The following FRMD4A variants were observed in gnomAD, a reference collection of about 807,000 sequenced individuals.
FRMD4A encodes FERM domain-containing protein 4A.
Under a neutral mutation model 129.1 loss-of-function variants are expected in FRMD4A, and 29 were observed. The ratio of observed to expected loss-of-function variants is 0.22; its 90% confidence interval spans 0.17 to 0.31. The LOEUF (loss-of-function observed/expected upper bound fraction) is 0.31. Ranked by LOEUF, FRMD4A falls within the 10% of genes least tolerant of loss-of-function variation. FRMD4A has a pLI of 1.00. For synonymous variants in FRMD4A, 634 were observed against 571.6 expected, an observed-to-expected ratio of 1.11 and a Z score of -1.56; for missense variants, 1,272 against 1,375.8, an observed-to-expected ratio of 0.92 and a Z score of 1.19.
At chr10:14,061,768 G>C (rs557496441) in intron 2 of FRMD4A, among the ~76,000 whole-genome samples, 7 of 152,232 alleles carry the variant, frequency 4.6e-5, no homozygotes, top group African/African-American at 1.7e-4. Flanking sequence ...ATTGTCACGT[G>C]GTACCTGGAA....
chr10:13,969,020 T>C (rs1030883783), intron 2 of FRMD4A, among the ~76,000 whole-genome samples: 1 of 152,204 alleles, frequency 6.6e-6, no homozygotes, highest in African/African-American at 2.4e-5. Context: ...ACGGCCCTGG[T>C]TGGCAGTAGA....
At chr10:13,890,756 C>A (rs1482709851) in intron 2 of FRMD4A, 12 of 985,238 alleles carry the variant, frequency 1.2e-5, no homozygotes, top group Non-Finnish European at 1.4e-5. Flanking sequence ...CCTTTGCGGG[C>A]ATTGGTTCTC....
At chr10:14,297,316 C>T (rs1350872440) in intron 2 of FRMD4A, among the ~76,000 whole-genome samples, 1 of 152,136 alleles carries the variant, frequency 6.6e-6, no homozygotes, top group Non-Finnish European at 1.5e-5. Flanking sequence ...ACATGCTTTG[C>T]TAAACTTCCA....
At chr10:14,254,942 C>T (rs1317802444) in intron 2 of FRMD4A, among the ~76,000 whole-genome samples, 1 of 152,098 alleles carries the variant, frequency 6.6e-6, no homozygotes, top group Non-Finnish European at 1.5e-5. Context: ...CAATCCCAGT[C>T]CCTAAAGTCT....
At chr10:13,847,819 G>T (rs1398875676) in intron 3 of FRMD4A, among the ~76,000 whole-genome samples, 1 of 152,126 alleles carries the variant, frequency 6.6e-6, no homozygotes, top group Non-Finnish European at 1.5e-5. Context: ...CCAAATAAAC[G>T]GATGCTTAGA....
chr10:13,877,355 C>T (rs528658812), intron 2 of FRMD4A, among the ~76,000 whole-genome samples: 5 of 152,296 alleles, frequency 3.3e-5, no homozygotes, highest in South Asian at 2.1e-4. Flanking sequence ...AGTCCTGCCA[C>T]GTTTAGCAGG....
intron 2 of FRMD4A, among the ~76,000 whole-genome samples, chr10:13,998,621 G>A (rs571510896): frequency 1.4e-4 from 21 of 152,224 alleles, no homozygotes; most frequent in East Asian, 9.7e-4. Flanking sequence ...CTTGGTAAGC[G>A]TCAGCTGCAG....
intron 2 of FRMD4A, among the ~76,000 whole-genome samples, chr10:14,319,285 G>A (rs1846875371): frequency 6.7e-6 from 1 of 149,618 alleles, no homozygotes; most frequent in African/African-American, 2.4e-5. Context: ...ACTGAATTTT[G>A]TACAAAAATT....
chr10:13,983,337 C>CAGG (rs200171056), intron 2 of FRMD4A, among the ~76,000 whole-genome samples: 3,343 of 152,054 alleles, frequency 0.022, 130 homozygotes, highest in African/African-American at 0.076. Context: ...ATTGACAAGC[C>CAGG]AGGAGCTGGG....
chr10:14,108,202 A>G (rs1448851439), intron 2 of FRMD4A, among the ~76,000 whole-genome samples: 2 of 152,166 alleles, frequency 1.3e-5, no homozygotes, highest in East Asian at 1.9e-4. Flanking sequence ...TATTAGCGAG[A>G]CCAGCATCTT....
chr10:13,953,828 G>A (rs2095390650), intron 2 of FRMD4A, among the ~76,000 whole-genome samples: 1 of 152,148 alleles, frequency 6.6e-6, no homozygotes, highest in Non-Finnish European at 1.5e-5. Context: ...GAGGTTTCAG[G>A]CACCCACTGA....
chr10:13,731,446 C>T (rs187713335), intron 12 of FRMD4A, among the ~76,000 whole-genome samples: 1 of 152,276 alleles, frequency 6.6e-6, no homozygotes, highest in Non-Finnish European at 1.5e-5. Flanking sequence ...GTGAGGAGAT[C>T]AAGACCAACC....
At chr10:14,114,586 T>G (rs971106661) in intron 2 of FRMD4A, among the ~76,000 whole-genome samples, 1 of 152,096 alleles carries the variant, frequency 6.6e-6, no homozygotes, top group African/African-American at 2.4e-5. Flanking sequence ...CACTGCAAAT[T>G]TGACAATGAG....
chr10:14,037,643 A>C (rs1190492129), intron 2 of FRMD4A, among the ~76,000 whole-genome samples: 1 of 120,698 alleles, frequency 8.3e-6, no homozygotes, highest in Non-Finnish European at 1.8e-5. Context: ...TTGTTGGCTC[A>C]AAAGTCATGT....
At chr10:14,185,741 G>C (rs192372942) in intron 2 of FRMD4A, among the ~76,000 whole-genome samples, 153 of 152,342 alleles carry the variant, frequency 1.0e-3, no homozygotes, top group Non-Finnish European at 1.5e-3. Flanking sequence ...GATGGCAACA[G>C]CAGTAGACCA....
intron 2 of FRMD4A, among the ~76,000 whole-genome samples, chr10:13,966,092 CT>C (rs2095483650): frequency 6.6e-6 from 1 of 152,152 alleles, no homozygotes; most frequent in East Asian, 1.9e-4. Context: ...TCACTGCGAC[CT>C]CTCGAACTCC....
chr10:13,776,794 C>T (rs2092606677), intron 6 of FRMD4A, among the ~76,000 whole-genome samples: 1 of 152,164 alleles, frequency 6.6e-6, no homozygotes, highest in Non-Finnish European at 1.5e-5. Flanking sequence ...ACCCAGGCAT[C>T]CGGGTATCAG....
chr10:13,739,780 C>G (rs1168246359), intron 11 of FRMD4A, among the ~76,000 whole-genome samples: 1 of 152,186 alleles, frequency 6.6e-6, no homozygotes, highest in Non-Finnish European at 1.5e-5. Context: ...TCCACAACCT[C>G]CATTCCCACC....
intron 2 of FRMD4A, among the ~76,000 whole-genome samples, chr10:13,920,857 G>A (rs150333094): frequency 6.6e-6 from 1 of 152,178 alleles, no homozygotes; most frequent in African/African-American, 2.4e-5. Context: ...CATGTGACCA[G>A]TTATACACAG....
Sources: allele counts gnomAD v4.1 joint callset (sites outside exome capture counted in the v4.1 genomes callset), GRCh38; gene constraint gnomAD v4.1.1; transcripts MANE v1.5; gene names NCBI Gene and HGNC (gene_info 2026-07-23, HGNC 2026-07-21).